DHX34: variants seen among roughly 807,000 people sequenced by gnomAD.
The protein encoded by DHX34 is probable ATP-dependent RNA helicase DHX34.
A neutral mutation model predicts 111.1 loss-of-function variants in DHX34; 96 were observed. The ratio of observed to expected loss-of-function variants is 0.86; its 90% CI spans 0.73 to 1.02. DHX34 has a LOEUF of 1.02. DHX34 is among the 50% of genes least tolerant of loss of function. DHX34 has a pLI of 0.00. For synonymous variants in DHX34, 688 were observed against 670.4 expected (o/e 1.03, Z -0.41); for missense variants, 1,560 against 1,579.9 (o/e 0.99, Z 0.21).
At chr19:47,371,286 G>A (rs1407163854) in intron 7 of DHX34, among the ~76,000 whole-genome samples, 2 of 152,196 alleles carry the variant, frequency 1.3e-5, no homozygotes, top group South Asian at 2.1e-4. Context: ...TGGGGAAAAC[G>A]AGGCTCAGAG....
At chr19:47,371,717 A>G (rs374801841) in intron 7 of DHX34, among the ~76,000 whole-genome samples, 205 of 152,254 alleles carry the variant, frequency 1.3e-3, no homozygotes, top group South Asian at 7.0e-3. Context: ...CTTCTGCCTC[A>G]GCCTCCCAAG....
chr19:47,360,891 C>T (rs769683214), intron 5 of DHX34, among the ~76,000 whole-genome samples: 27 of 152,006 alleles, frequency 1.8e-4, no homozygotes, highest in Non-Finnish European at 2.6e-4. Flanking sequence ...AGGCTGGTCT[C>T]GAACTCCTGA....
chr19:47,382,404 G>C lies in DHX34; in HGVS notation c.*291G>C. 1 of 381,402 alleles carries C rather than the reference G, an allele frequency of 2.6e-6. No individual in the cohort carries two copies. Among genetic ancestry groups the C allele is most frequent in the South Asian group, 3.6e-5 (1 of 27,472 alleles). 23.6% of individuals were successfully genotyped at this position (381,402 alleles called of 1,614,324 possible). On this transcript the variant is annotated 3_prime_UTR_variant, in exon 17 of 17. Coordinates refer to ENST00000328771, the MANE Select transcript of DHX34 (RefSeq NM_014681.6). ...CTGAGGGGTCCTGGGTAGGAGGGGCGTTAGAGCCAGCAGGGACCTCCCATG... is the reference window on the plus strand; with the variant it reads ...CTGAGGGGTCCTGGGTAGGAGGGGCCTTAGAGCCAGCAGGGACCTCCCATG...
chr19:47,368,818 A>C (rs574574679), intron 7 of DHX34, among the ~76,000 whole-genome samples: 1 of 151,978 alleles, frequency 6.6e-6, no homozygotes, highest in Admixed American at 6.6e-5. Flanking sequence ...GATTCAAGCA[A>C]TTCTCCTGCC....
At chr19:47,366,877 A>G (rs1367200095) in intron 6 of DHX34, 104 bp from the exon 7 acceptor site, 2 of 1,403,162 alleles carry the variant, frequency 1.4e-6, no homozygotes, top group East Asian at 5.4e-5. Flanking sequence ...CCCGGCCAAC[A>G]CTAGGAATTT....
In DHX34 at chr19:47,362,667, G is replaced by A. The variant is rs1312832078; in HGVS notation, c.1567G>A (p.Val523Met). ...CTACCCCGTCCCAGAAATTCGGAGG[G>A]TGGCCCTGGACTCGTTGGTGCTGCA... is the stretch of plus-strand genomic sequence containing the variant. The part of the protein sequence containing the change: ...APYPVPEIRR[V>M]ALDSLVLQMK... The change falls in exon 6 of 17, where the codon GTG (valine) becomes ATG (methionine). Residue 523 changes from valine (V) to methionine (M), a missense_variant. Transcript: ENST00000328771. The A allele has an allele frequency of 6.2e-7, 1 of 1,613,128 alleles. No individual in the cohort carries two copies. Among genetic ancestry groups the A allele is most frequent in the Admixed American group, 1.7e-5 (1 of 59,986 alleles).
chr19:47,356,002 C>A (rs1377059568), intron 3 of DHX34, among the ~76,000 whole-genome samples: 1 of 152,180 alleles, frequency 6.6e-6, no homozygotes, highest in Non-Finnish European at 1.5e-5. Context: ...ACTCTGCCAT[C>A]TCACTGGGCA....
intron 7 of DHX34, among the ~76,000 whole-genome samples, chr19:47,371,010 G>A (rs906957357): frequency 3.9e-5 from 6 of 152,222 alleles, no homozygotes; most frequent in Admixed American, 6.5e-5. Flanking sequence ...GCTAGAGCAG[G>A]GAGAATCTGA....
Position 47,375,790 on chromosome 19 carries a change from C to A in DHX34, c.2307+82C>A. 2.6e-6 allele frequency: 4 copies of A among 1,556,128 alleles called. No individual in the cohort carries two copies. The South Asian group carries it at 3.6e-5, about 14-fold the overall frequency. On this transcript the variant is annotated intron_variant, in intron 10 of 16. Coordinates refer to ENST00000328771, the MANE Select transcript of DHX34 (RefSeq NM_014681.6). ...CTGGGGGGGTCCCAGGGGACATGGC[C>A]CTGTCCTCATTTCAGGAGCCGGGTT...
At chr19:47,373,043 C>G (rs977468256) in intron 8 of DHX34, 120 bp downstream of exon 8, 1 of 1,314,416 alleles carries the variant, frequency 7.6e-7, no homozygotes, top group Non-Finnish European at 1.0e-6. Context: ...ACTGAGCCCC[C>G]CACAGACTGG....
chr19:47,381,069 CAT>C, intron 15 of DHX34, 77 bp downstream of exon 15: 1 of 1,549,752 alleles, frequency 6.5e-7, no homozygotes, highest in Non-Finnish European at 8.7e-7. Context: ...AGTCCAGGGA[CAT>C]AGTTCCCAAG....
intron 4 of DHX34, among the ~76,000 whole-genome samples, chr19:47,358,365 A>G (rs889665903): frequency 3.9e-5 from 6 of 152,124 alleles, no homozygotes; most frequent in Admixed American, 2.0e-4. Context: ...CCTATCGACC[A>G]TGGGCTCTCT....
intron 13 of DHX34, among the ~76,000 whole-genome samples, chr19:47,379,144 TAATA>T (rs1332895896): frequency 9.5e-6 from 1 of 105,636 alleles, no homozygotes; most frequent in African/African-American, 3.4e-5. Flanking sequence ...ATAAATAAAT[TAATA>T]ATAATAATAA....
At position 47,375,508 on chromosome 19, in the gene DHX34, G is replaced by A. The variant is rs748080729; in HGVS notation, c.2107G>A (p.Ala703Thr). 87 of 1,572,492 alleles carry A rather than the reference G, an allele frequency of 5.5e-5. No homozygotes were observed. The highest frequency in any genetic ancestry group is 1.7e-4 in the Middle Eastern group (1 of 6,044). Residue 703 changes from alanine to threonine, a missense_variant, in exon 10 of 17, where the codon GCG (alanine) becomes ACG (threonine). Physicochemically the swap from Ala to Thr is moderately conservative, Grantham distance 58. Coordinates refer to ENST00000328771, the MANE Select transcript of DHX34 (RefSeq NM_014681.6). Reference sequence around the variant, plus strand: ...CGGGCTGCTGGCTGGGGCCCAGGCCGCGCAGGTAGGGGACAGCTACAGTCG... The same window carrying A: ...CGGGCTGCTGGCTGGGGCCCAGGCCACGCAGGTAGGGGACAGCTACAGTCG... ...DHGLLAGAQA[A>T]QVGDSYSRLQ...
Position 47,357,894 on chromosome 19 carries a change from C to T in DHX34, c.1046C>T (p.Pro349Leu), listed in dbSNP as rs756577133. 17 of 1,613,654 alleles carry T rather than the reference C, an allele frequency of 1.1e-5. No individual in the cohort carries two copies. Among genetic ancestry groups the T allele is most frequent in the Admixed American group, 1.7e-5 (1 of 59,980 alleles). The change falls in exon 4 of 17, where the codon CCG (proline) becomes CTG (leucine). Residue 349 changes from proline (P) to leucine (L), a missense_variant. Transcript: ENST00000328771. ...GTGTACCAGCCGCAGGAGGCGGAGC[C>T]GACCACGTCCAAGTCAGAGAAGCTG... is the stretch of plus-strand genomic sequence containing the variant. ...TVVYQPQEAE[P>L]TTSKSEKLDP...
In DHX34 at chr19:47,355,198, G is replaced by A. The variant is rs199846132; in HGVS notation, c.865G>A (p.Asp289Asn). 4.3e-5 allele frequency: 69 copies of A among 1,614,048 alleles called. No homozygotes were observed. Among genetic ancestry groups the A allele is most frequent in the Non-Finnish European group, 5.7e-5 (67 of 1,180,026 alleles). ...AGTCCATGAGCGGCATCTCCACAAC[G>A]ATTTCCTCCTGGGCGTCCTCCAGCG... ...DEVHERHLHN[D>N]FLLGVLQRLL... is the part of the protein sequence containing the mutation. Residue 289 changes from aspartate (D) to asparagine (N), a missense_variant, in exon 3 of 17, where the codon GAT (aspartate) becomes AAT (asparagine). Transcript: ENST00000328771.
At chr19:47,376,652 C>CA in intron 12 of DHX34, 92 bp downstream of exon 12, 1 of 1,500,506 alleles carries the variant, frequency 6.7e-7, no homozygotes, top group Non-Finnish European at 8.9e-7. Flanking sequence ...GGGGCTCCCA[C>CA]ACCGGCCCAG....
intron 14 of DHX34, 128 bp from the exon 15 acceptor site, chr19:47,380,688 T>G (rs547122453): frequency 6.7e-7 from 1 of 1,482,718 alleles, no homozygotes; most frequent in African/African-American, 1.4e-5. Context: ...CAAATTGTGA[T>G]TGGTGTAAGC....
Position 47,353,793 on chromosome 19 carries a change from G to A in DHX34, c.705+58G>A. Reference sequence around the variant, plus strand: ...CAGCGTGACCTTGGGGGAATAGGTTGCTTGTCCATATGGCAGTATCAATAA... The same window carrying A: ...CAGCGTGACCTTGGGGGAATAGGTTACTTGTCCATATGGCAGTATCAATAA... On this transcript the variant is annotated intron_variant, in intron 2 of 16. Coordinates refer to ENST00000328771, the MANE Select transcript of DHX34 (RefSeq NM_014681.6). The surrounding 1 kb of genome is among the most constrained non-coding windows in gnomAD (Gnocchi z 4.6). 1 of 1,432,266 alleles carries A rather than the reference G, an allele frequency of 7.0e-7. No individual in the cohort carries two copies. The highest frequency in any genetic ancestry group is 9.3e-7 in the Non-Finnish European group (1 of 1,081,078). The allele number at this position is 1,432,266 out of a possible 1,614,324, so 88.7% of individuals were successfully genotyped here. A position where few individuals can be genotyped will look rare whatever the true frequency, so the allele number is the denominator to read the frequency against.
Sources: gnomAD v4.1 joint callset for allele counts (sites outside exome capture counted in the v4.1 genomes callset) on GRCh38, gnomAD v4.1.1 for gene constraint, Gnocchi (gnomAD v3.1) non-coding constraint, MANE v1.5 for transcripts, NCBI Gene and HGNC (gene_info 2026-07-23, HGNC 2026-07-21) for gene names.